CAB39: variants seen among roughly 807,000 people sequenced by gnomAD.
CAB39 encodes calcium-binding protein 39.
In CAB39, 8 loss-of-function variants were observed where a neutral mutation model predicts 40.0. The observed-to-expected ratio is 0.20, with a 90% CI of 0.12 to 0.36. The LOEUF (loss-of-function observed/expected upper bound fraction) is 0.36. Ranked by LOEUF, CAB39 falls within the 10% of genes least tolerant of loss-of-function variation. CAB39 has a pLI of 1.00. For synonymous variants in CAB39, 156 were observed against 141.6 expected (o/e 1.10, Z -0.72); for missense variants, 270 against 401.1 (o/e 0.67, Z 2.79).
At chr2:230,736,660 T>C (rs1694792920) in intron 1 of CAB39, among the ~76,000 whole-genome samples, 2 of 152,198 alleles carry the variant, frequency 1.3e-5, no homozygotes, top group Admixed American at 1.3e-4. Context: ...ATGCGAGCTC[T>C]GGGTCCTTAA....
At chr2:230,786,863 A>G (rs1030560293) in intron 2 of CAB39, among the ~76,000 whole-genome samples, 1 of 152,212 alleles carries the variant, frequency 6.6e-6, no homozygotes, top group East Asian at 1.9e-4. Flanking sequence ...TACTATTGCT[A>G]AATGATTTTC....
chr2:230,716,902 T>C (rs970808534), intron 1 of CAB39, among the ~76,000 whole-genome samples: 2 of 152,182 alleles, frequency 1.3e-5, no homozygotes, highest in Non-Finnish European at 2.9e-5. Context: ...CTCAAGAGGC[T>C]GAGGCAGGAG....
chr2:230,812,335 T>G (rs964684432), intron 6 of CAB39, among the ~76,000 whole-genome samples: 1 of 152,166 alleles, frequency 6.6e-6, no homozygotes, highest in Admixed American at 6.5e-5. Flanking sequence ...AAAGCAAGTC[T>G]TTGAGGAACC....
At chr2:230,758,689 A>G (rs1695237989) in intron 1 of CAB39, among the ~76,000 whole-genome samples, 1 of 152,166 alleles carries the variant, frequency 6.6e-6, no homozygotes, top group Non-Finnish European at 1.5e-5. Context: ...AGAAGGGGAA[A>G]ACAAAGTGGG....
intron 1 of CAB39, among the ~76,000 whole-genome samples, chr2:230,757,054 A>T (rs1695205142): frequency 6.6e-6 from 1 of 152,120 alleles, no homozygotes; most frequent in East Asian, 1.9e-4. Flanking sequence ...ATGTGTTTGG[A>T]TCCTACTGAG....
chr2:230,782,789 GTTTCTTTC>G (rs375221449), intron 2 of CAB39, among the ~76,000 whole-genome samples: 1,210 of 117,992 alleles, frequency 0.01, 18 homozygotes, highest in Non-Finnish European at 0.014. Flanking sequence ...ACAGACTGCT[GTTTCTTTC>G]TTTCTTTCTT....
At chr2:230,754,305 T>TTTCTTCCTTCTTCC (rs71052547) in intron 1 of CAB39, among the ~76,000 whole-genome samples, 48 of 142,562 alleles carry the variant, frequency 3.4e-4, no homozygotes, top group Admixed American at 7.6e-4. Context: ...TTCTTTCTTC[T>TTTCTTCCTTCTTCC]TTCTTCCTTC....
intron 1 of CAB39, among the ~76,000 whole-genome samples, chr2:230,729,131 C>T (rs1694640369): frequency 6.6e-6 from 1 of 152,110 alleles, no homozygotes; most frequent in South Asian, 2.1e-4. Flanking sequence ...AATAGTCTGC[C>T]CAAAGATTAG....
At chr2:230,754,636 A>G (rs557294198) in intron 1 of CAB39, among the ~76,000 whole-genome samples, 97 of 152,230 alleles carry the variant, frequency 6.4e-4, no homozygotes, top group African/African-American at 2.1e-3. Flanking sequence ...CTCCTGCCTC[A>G]GTCCCCCTAG....
chr2:230,761,971 G>A (rs150976306), intron 2 of CAB39, among the ~76,000 whole-genome samples: 3 of 151,948 alleles, frequency 2.0e-5, no homozygotes, highest in Non-Finnish European at 2.9e-5. Flanking sequence ...GTAGTGGCAC[G>A]ATCTCAGCTC....
At chr2:230,816,768 G>C (rs888865537) in intron 7 of CAB39, among the ~76,000 whole-genome samples, 1 of 152,220 alleles carries the variant, frequency 6.6e-6, no homozygotes, top group Non-Finnish European at 1.5e-5. Flanking sequence ...TCCTGAGAGA[G>C]AGGCACTGTT....
chr2:230,809,216 T>C (rs1696260206), intron 5 of CAB39, among the ~76,000 whole-genome samples: 1 of 152,318 alleles, frequency 6.6e-6, no homozygotes, highest in East Asian at 1.9e-4. Flanking sequence ...TGGAGTGAGC[T>C]GTGGCACTTC....
At chr2:230,755,355 G>A (rs1695171482) in intron 1 of CAB39, among the ~76,000 whole-genome samples, 1 of 152,120 alleles carries the variant, frequency 6.6e-6, no homozygotes, top group South Asian at 2.1e-4. Flanking sequence ...GGTGGGTATT[G>A]CACTGTGGTT....
At chr2:230,781,695 G>A (rs1695689027) in intron 2 of CAB39, among the ~76,000 whole-genome samples, 1 of 152,168 alleles carries the variant, frequency 6.6e-6, no homozygotes, top group Non-Finnish European at 1.5e-5. Context: ...GGTGTGAGGG[G>A]ACCAATGGGG....
At chr2:230,768,713 A>G (rs1695432212) in intron 2 of CAB39, among the ~76,000 whole-genome samples, 1 of 152,208 alleles carries the variant, frequency 6.6e-6, no homozygotes. Flanking sequence ...GGAATGGTTA[A>G]TATTAATTGA....
chr2:230,759,063 A>T (rs1695243979), intron 1 of CAB39, among the ~76,000 whole-genome samples: 1 of 152,202 alleles, frequency 6.6e-6, no homozygotes, highest in East Asian at 1.9e-4. Context: ...ACCCACAAAA[A>T]ATTAAGAACT....
chr2:230,728,004 C>T (rs908377063), intron 1 of CAB39, among the ~76,000 whole-genome samples: 1 of 151,840 alleles, frequency 6.6e-6, no homozygotes, highest in African/African-American at 2.4e-5. Flanking sequence ...TTTGGGAGGC[C>T]GAGGCAGGAA....
intron 2 of CAB39, among the ~76,000 whole-genome samples, chr2:230,762,286 T>C (rs906509061): frequency 2.0e-5 from 3 of 152,116 alleles, no homozygotes; most frequent in Non-Finnish European, 4.4e-5. Flanking sequence ...ATATGAAAAG[T>C]TTAGCTCCAG....
chr2:230,731,876 G>A (rs1260939026), intron 1 of CAB39, among the ~76,000 whole-genome samples: 3 of 152,276 alleles, frequency 2.0e-5, no homozygotes, highest in Admixed American at 6.5e-5. Flanking sequence ...TTTAGCTATT[G>A]AGTGGAGAAG....
Sources: gnomAD v4.1 joint callset for allele counts (sites outside exome capture counted in the v4.1 genomes callset) on GRCh38, gnomAD v4.1.1 for gene constraint, MANE v1.5 for transcripts, NCBI Gene and HGNC (gene_info 2026-07-23, HGNC 2026-07-21) for gene names.